FRMD3: variants seen among roughly 807,000 people sequenced by gnomAD.
The protein encoded by FRMD3 is FERM domain-containing protein 3.
FRMD3 carries 33 observed loss-of-function variants against 70.2 expected under a neutral mutation model. The observed-to-expected ratio is 0.47, with a 90% CI of 0.36 to 0.63. The LOEUF is 0.63. FRMD3 is among the 20% of genes least tolerant of loss of function. The probability of loss-of-function intolerance (pLI) is 0.00; values close to 1 mark genes in which losing one functional copy is unlikely to be tolerated. For synonymous variants in FRMD3, 279 were observed against 255.9 expected (o/e 1.09, Z -0.86); for missense variants, 632 against 711.4 (o/e 0.89, Z 1.27).
At chr9:83,576,889 G>A in the FRMD3 span, among the ~76,000 whole-genome samples, 1 of 152,020 alleles carries the variant, frequency 6.6e-6, no homozygotes, top group Admixed American at 6.6e-5. Context: ...TAATCAACAA[G>A]TTCAGCAAGG....
At chr9:83,523,240 G>A (rs79329744) in intron 1 of FRMD3, among the ~76,000 whole-genome samples, 37 of 152,168 alleles carry the variant, frequency 2.4e-4, no homozygotes, top group African/African-American at 8.7e-4. Context: ...GGATGGAAGA[G>A]TGGATGAGTG....
intron 3 of FRMD3, chr9:83,350,947 C>T: frequency 2.4e-6 from 2 of 850,314 alleles, no homozygotes; most frequent in Non-Finnish European, 2.8e-6. Flanking sequence ...CATCTTAAAT[C>T]AAGGAAATAA....
At chr9:83,406,419 C>A (rs559779049) in intron 1 of FRMD3, among the ~76,000 whole-genome samples, 2 of 152,318 alleles carry the variant, frequency 1.3e-5, no homozygotes, top group East Asian at 3.9e-4. Context: ...GTCTCCACTG[C>A]AGAACTTATA....
chr9:83,431,295 C>A (rs1032963688), intron 1 of FRMD3, among the ~76,000 whole-genome samples: 1 of 152,210 alleles, frequency 6.6e-6, no homozygotes, highest in Non-Finnish European at 1.5e-5. Flanking sequence ...GAAACTAGCA[C>A]CACATGTGCT....
chr9:83,548,531 T>C, the FRMD3 span, among the ~76,000 whole-genome samples: 1 of 152,118 alleles, frequency 6.6e-6, no homozygotes, highest in Non-Finnish European at 1.5e-5. Context: ...GGCAAAACTA[T>C]GCAAACAGCA....
chr9:83,315,156 T>C (rs892291233), intron 6 of FRMD3, among the ~76,000 whole-genome samples: 1 of 152,192 alleles, frequency 6.6e-6, no homozygotes, highest in Admixed American at 6.5e-5. Flanking sequence ...ATTCCTCTTA[T>C]CCCTCTGAGG....
At chr9:83,293,304 C>T (rs138831841) in intron 12 of FRMD3, among the ~76,000 whole-genome samples, 2 of 152,150 alleles carry the variant, frequency 1.3e-5, no homozygotes, top group Non-Finnish European at 2.9e-5. Flanking sequence ...GACTATGATT[C>T]TAACTCTGCA....
At chr9:83,466,018 C>T (rs1273390112) in intron 1 of FRMD3, among the ~76,000 whole-genome samples, 1 of 152,234 alleles carries the variant, frequency 6.6e-6, no homozygotes, top group Non-Finnish European at 1.5e-5. Context: ...TCTCCGTTCA[C>T]ATCCACCAAC....
At chr9:83,466,524 T>C (rs570958709) in intron 1 of FRMD3, among the ~76,000 whole-genome samples, 3 of 152,070 alleles carry the variant, frequency 2.0e-5, no homozygotes, top group African/African-American at 4.8e-5. Flanking sequence ...TCAGGAAAAA[T>C]AGCAAATTTA....
At chr9:83,267,556 T>G (rs1833327068) in intron 13 of FRMD3, among the ~76,000 whole-genome samples, 1 of 152,210 alleles carries the variant, frequency 6.6e-6, no homozygotes, top group Non-Finnish European at 1.5e-5. Flanking sequence ...CTTTATTATA[T>G]TCTACAGCAG....
At chr9:83,414,555 A>G (rs1564065915) in intron 1 of FRMD3, among the ~76,000 whole-genome samples, 2 of 152,254 alleles carry the variant, frequency 1.3e-5, no homozygotes, top group Non-Finnish European at 2.9e-5. Context: ...CCAAGCTACA[A>G]GCTGGGGAGA....
chr9:83,443,628 T>C (rs559706526), intron 1 of FRMD3, among the ~76,000 whole-genome samples: 1 of 152,364 alleles, frequency 6.6e-6, no homozygotes, highest in South Asian at 2.1e-4. Flanking sequence ...TATAGTAGCA[T>C]GATTTATAAT....
chr9:83,292,496 AACAC>A (rs959816762), intron 12 of FRMD3, among the ~76,000 whole-genome samples: 2 of 151,786 alleles, frequency 1.3e-5, no homozygotes, highest in Non-Finnish European at 2.9e-5. Flanking sequence ...CCTGTACCCA[AACAC>A]ACACAGGAAG....
chr9:83,491,045 T>C (rs1260178418), intron 1 of FRMD3, among the ~76,000 whole-genome samples: 1 of 152,208 alleles, frequency 6.6e-6, no homozygotes, highest in East Asian at 1.9e-4. Flanking sequence ...AATATTAGCC[T>C]ATTGAAGTCT....
intron 3 of FRMD3, among the ~76,000 whole-genome samples, chr9:83,356,595 T>G (rs940547231): frequency 6.6e-6 from 1 of 151,790 alleles, no homozygotes; most frequent in Non-Finnish European, 1.5e-5. Context: ...TTTTTTTTCT[T>G]AAAACCAAAC....
chr9:83,546,356 C>CA, the FRMD3 span, among the ~76,000 whole-genome samples: 4 of 151,530 alleles, frequency 2.6e-5, no homozygotes, highest in African/African-American at 7.3e-5. Context: ...GACTGCGTCT[C>CA]AAAAAACAAA....
At chr9:83,542,012 A>G (rs1587546373), upstream of FRMD3, among the ~76,000 whole-genome samples, 7 of 152,228 alleles carry the variant, frequency 4.6e-5, no homozygotes, top group South Asian at 1.5e-3. Context: ...TTCTGGCCCC[A>G]GTCAATCCTC....
chr9:83,310,140 G>A (rs1835295199), intron 9 of FRMD3, among the ~76,000 whole-genome samples: 2 of 152,168 alleles, frequency 1.3e-5, no homozygotes, highest in African/African-American at 4.8e-5. Flanking sequence ...ATGAGCACTG[G>A]TTGTTGAATA....
chr9:83,366,868 C>T (rs931194924), intron 3 of FRMD3, among the ~76,000 whole-genome samples: 1 of 151,970 alleles, frequency 6.6e-6, no homozygotes, highest in East Asian at 1.9e-4. Flanking sequence ...GTAGTCAAGG[C>T]TAAAAACTCT....
Sources: allele counts gnomAD v4.1 joint callset (sites outside exome capture counted in the v4.1 genomes callset), GRCh38; gene constraint gnomAD v4.1.1; transcripts MANE v1.5; gene names NCBI Gene and HGNC (gene_info 2026-07-23, HGNC 2026-07-21).